Variants in XKR6 observed in about 807,000 individuals in gnomAD.
XKR6 encodes the protein XK related 6.
A neutral mutation model predicts 56.7 loss-of-function variants in XKR6; 22 were observed. The observed-to-expected ratio is 0.39, with a 90% CI of 0.28 to 0.55. The LOEUF is 0.55. Among genes scored for constraint, XKR6 ranks in the 20% least tolerant of loss-of-function variants. The probability of loss-of-function intolerance (pLI) is 0.66; values close to 1 mark genes in which losing one functional copy is unlikely to be tolerated. For synonymous variants in XKR6, 524 were observed against 387.8 expected (o/e 1.35, Z -4.13); for missense variants, 852 against 889.0 (o/e 0.96, Z 0.53).
chr8:11,120,624 T>G (rs995236800), intron 1 of XKR6, among the ~76,000 whole-genome samples: 1 of 152,056 alleles, frequency 6.6e-6, no homozygotes, highest in Non-Finnish European at 1.5e-5. Context: ...AGGTAATTTA[T>G]AGATTCAATG....
At chr8:11,102,638 C>G (rs1277297869) in intron 1 of XKR6, among the ~76,000 whole-genome samples, 1 of 152,130 alleles carries the variant, frequency 6.6e-6, no homozygotes, top group Non-Finnish European at 1.5e-5. Flanking sequence ...CACCGAGGCA[C>G]CAGTGTAAGT....
chr8:10,946,939 C>T (rs1416098909), intron 1 of XKR6, among the ~76,000 whole-genome samples: 1 of 152,092 alleles, frequency 6.6e-6, no homozygotes, highest in Non-Finnish European at 1.5e-5. Context: ...TAGACAGTTC[C>T]AGAGGGTCAA....
chr8:10,982,870 T>C (rs1046859354), intron 1 of XKR6, among the ~76,000 whole-genome samples: 5 of 152,208 alleles, frequency 3.3e-5, no homozygotes, highest in Admixed American at 1.3e-4. Context: ...GGTTTGAGGA[T>C]AGGCTGAACC....
chr8:10,982,329 C>G (rs902218575), intron 1 of XKR6, among the ~76,000 whole-genome samples: 1 of 152,148 alleles, frequency 6.6e-6, no homozygotes, highest in African/African-American at 2.4e-5. Context: ...GAAGAGATTT[C>G]CTATGTATTC....
rs528711512 is a variant in XKR6 at position 11,053,946 on chromosome 8, C to T, written c.765-129116G>A. Among the ~76,000 whole-genome samples the T allele has an allele frequency of 6.6e-5, 10 of 152,306 alleles. 1 individual carries two copies. In the South Asian group the frequency reaches 2.1e-3, roughly 32 times the overall value. ...GCACAAACATGCTTTCTGGAGGGAA[C>T]ATGGGAAAATGCAAAGAACTGCTGA... On this transcript the variant is annotated intron_variant, in intron 1 of 2. Coordinates refer to ENST00000416569, the MANE Select transcript of XKR6 (RefSeq NM_173683.4).
chr8:11,064,774 C>G (rs1276256968), intron 1 of XKR6, among the ~76,000 whole-genome samples: 2 of 152,206 alleles, frequency 1.3e-5, no homozygotes, highest in Non-Finnish European at 2.9e-5. Flanking sequence ...ATGTGAGCCA[C>G]TGTAGGAAAT....
At chr8:11,057,069 A>G (rs1799703689) in intron 1 of XKR6, among the ~76,000 whole-genome samples, 1 of 152,156 alleles carries the variant, frequency 6.6e-6, no homozygotes, top group African/African-American at 2.4e-5. Context: ...CACAGCCCAA[A>G]TCACATCCTT....
chr8:10,998,507 G>C (rs1460376839), intron 1 of XKR6, among the ~76,000 whole-genome samples: 1 of 152,118 alleles, frequency 6.6e-6, no homozygotes, highest in Admixed American at 6.5e-5. Context: ...AAATTTATGA[G>C]TATAATGTCA....
chr8:11,182,050 A>T (rs1380336635), intron 1 of XKR6, among the ~76,000 whole-genome samples: 2 of 152,204 alleles, frequency 1.3e-5, no homozygotes, highest in Non-Finnish European at 2.9e-5. Flanking sequence ...AAGTGCTGGG[A>T]TTACAGGCAT....
At chr8:11,116,456 C>T (rs1474718124) in intron 1 of XKR6, among the ~76,000 whole-genome samples, 4 of 152,112 alleles carry the variant, frequency 2.6e-5, no homozygotes, top group Non-Finnish European at 5.9e-5. Flanking sequence ...CTGCAACCTC[C>T]ACCTCCTGGG....
At position 11,201,266 on chromosome 8, in the gene XKR6, C is replaced by T. The variant is rs1164959342; in HGVS notation, c.74G>A (p.Gly25Asp). The T allele has an allele frequency of 1.9e-6, 3 of 1,577,048 alleles. No individual in the cohort carries two copies. Among genetic ancestry groups the T allele is most frequent in the Non-Finnish European group, 2.6e-6 (3 of 1,171,840 alleles). Residue 25 changes from glycine to aspartate, a missense_variant, in exon 1 of 3, where the codon GGC (glycine) becomes GAC (aspartate). Gly to Asp is a moderately conservative substitution (Grantham distance 94, BLOSUM62 -1). Around this residue, in one of 4 missense-constraint regions of XKR6, gnomAD observed 417 missense variants for 355.2 expected, o/e 1.17. Coordinates refer to ENST00000416569, the MANE Select transcript of XKR6 (RefSeq NM_173683.4). ...AQLHNLDEAV[G>D]SGGEEDGEPG... ...CTCCCCGTCCTCCTCGCCGCCGCTG[C>T]CCACCGCCTCGTCCAGGTTGTGCAG...
chr8:10,977,145 C>T (rs1306464882), intron 1 of XKR6, among the ~76,000 whole-genome samples: 1 of 152,174 alleles, frequency 6.6e-6, no homozygotes, highest in Non-Finnish European at 1.5e-5. Flanking sequence ...ACTCCCTTTA[C>T]AAGCAGCCTC....
intron 1 of XKR6, among the ~76,000 whole-genome samples, chr8:11,080,762 T>C (rs1389969592): frequency 6.6e-6 from 1 of 152,240 alleles, no homozygotes; most frequent in Non-Finnish European, 1.5e-5. Flanking sequence ...GACACTACCG[T>C]CAGAGACAAC....
intron 1 of XKR6, among the ~76,000 whole-genome samples, chr8:10,951,170 C>G (rs1490133419): frequency 3.3e-5 from 5 of 152,166 alleles, no homozygotes; most frequent in African/African-American, 4.8e-5. Context: ...AGGTCCCTGC[C>G]CTTGGAACTC....
chr8:11,022,883 G>C lies in XKR6; in HGVS notation c.765-98053C>G, dbSNP rs146248236. ...TTAGTTCCTCAGGCACCTGTGTAAG[G>C]TCCTCCACGTCCCAGGGCAGGAGGC... On this transcript the variant is annotated intron_variant, in intron 1 of 2. Coordinates refer to ENST00000416569, the MANE Select transcript of XKR6 (RefSeq NM_173683.4). 2.9e-3 allele frequency among the ~76,000 whole-genome samples: 435 copies of C among 152,224 alleles called. 2 individuals carry two copies. The highest frequency in any genetic ancestry group is 0.01 in the African/African-American group (421 of 41,512).
chr8:11,050,571 T>TA (rs56370844), intron 1 of XKR6, among the ~76,000 whole-genome samples: 12,587 of 142,014 alleles, frequency 0.089, 1,742 homozygotes, highest in African/African-American at 0.3. Context: ...TCATTTTATT[T>TA]AAAAAAAAAA....
chr8:11,093,346 C>G (rs149788048), intron 1 of XKR6, among the ~76,000 whole-genome samples: 1 of 152,204 alleles, frequency 6.6e-6, no homozygotes, highest in Non-Finnish European at 1.5e-5. Context: ...TGAGCCACCA[C>G]GCCCAGATCT....
chr8:11,072,186 T>C (rs1438900359), intron 1 of XKR6, among the ~76,000 whole-genome samples: 2 of 151,524 alleles, frequency 1.3e-5, no homozygotes, highest in East Asian at 1.9e-4. Context: ...CTCCACCCCC[T>C]CTCTGTTTTG....
At chr8:10,970,387 G>A (rs1410412929) in intron 1 of XKR6, among the ~76,000 whole-genome samples, 1 of 152,100 alleles carries the variant, frequency 6.6e-6, no homozygotes, top group Non-Finnish European at 1.5e-5. Context: ...TTAATTCTCT[G>A]TGTCTGGAAC....
Sources: allele counts gnomAD v4.1 joint callset (sites outside exome capture counted in the v4.1 genomes callset), GRCh38; gene constraint gnomAD v4.1.1; regional missense constraint gnomAD v4.1.1; transcripts MANE v1.5; gene names NCBI Gene and HGNC (gene_info 2026-07-23, HGNC 2026-07-21).